Variants in CKAP2L observed in about 807,000 individuals in gnomAD.
CKAP2L encodes the protein cytoskeleton associated protein 2L, also known as cytoskeleton-associated protein 2-like.
In CKAP2L, 42 loss-of-function variants were observed where a neutral mutation model predicts 65.7. The observed-to-expected ratio is 0.64, with a 90% CI of 0.50 to 0.83. The LOEUF is 0.83. Among genes scored for constraint, CKAP2L ranks in the 40% least tolerant of loss-of-function variants. The pLI is 0.00. For synonymous variants in CKAP2L, 325 were observed against 313.5 expected (o/e 1.04, Z -0.39); for missense variants, 908 against 871.0 (o/e 1.04, Z -0.53).
chr2:112,756,405 A>C lies in CKAP2L; in HGVS notation c.966T>G (p.Pro322=). 1 of 1,614,112 alleles carries C rather than the reference A, an allele frequency of 6.2e-7. No homozygotes were observed. Among genetic ancestry groups the C allele is most frequent in the Non-Finnish European group, 8.5e-7 (1 of 1,180,000 alleles). The part of the protein sequence containing the change: ...RPNETKIRSY[P]VTEQRVKHTK... ...TGTGCTTCACTCTCTGTTCAGTAAC[A>C]GGGTATGACCGTATCTTAGTTTCAT... The change falls in exon 4 of 9, where the codon CCT becomes CCG. Residue 322 remains proline (P), a synonymous_variant. Transcript: ENST00000302450.
chr2:112,740,423 A>T (rs1280408484), intron 8 of CKAP2L, among the ~76,000 whole-genome samples: 1 of 152,232 alleles, frequency 6.6e-6, no homozygotes, highest in Non-Finnish European at 1.5e-5. Flanking sequence ...TTGTTAAAAA[A>T]TAAAACGTTT....
chr2:112,756,956 C>CA lies in CKAP2L; in HGVS notation c.414dup (p.Val139CysfsTer5). ...AATTGCTCTATATTAAGTGACCCCA[C>CA]AGGTTTTCTTGACAGTTCTCCTGTT... On this transcript the variant is annotated frameshift_variant, in exon 4 of 9. Coordinates refer to ENST00000302450, the MANE Select transcript of CKAP2L (RefSeq NM_152515.5). LOFTEE classifies it high-confidence loss of function. The CA allele has an allele frequency of 6.2e-7, 1 of 1,614,242 alleles. No individual in the cohort carries two copies. The highest frequency in any genetic ancestry group is 1.3e-5 in the African/African-American group (1 of 75,076).
In CKAP2L at chr2:112,756,363, G is replaced by GT; in HGVS notation, c.1007dup (p.Tyr336Ter). 1.2e-6 allele frequency: 2 copies of GT among 1,613,690 alleles called. No homozygotes were observed. The highest frequency in any genetic ancestry group is 1.7e-6 in the Non-Finnish European group (2 of 1,179,828). The change falls in exon 4 of 9, where the codon TAC becomes TAAC. Residue 336 changes from tyrosine to a stop codon, truncating the protein, a stop_gained and frameshift_variant. Transcript: ENST00000302450. LOFTEE classifies it high-confidence loss of function. Reference protein sequence around the residue: ...QRVKHTKPRTYPSLLQGEYNN... With the variant: ...QRVKHTKPRT ...TATATTCACCCTGAAGCAAACTGGG[G>GT]TATGTTCTGGGTTTGGTGTGCTTCA...
intron 1 of CKAP2L, among the ~76,000 whole-genome samples, chr2:112,763,493 C>T (rs1680795569): frequency 6.6e-6 from 1 of 151,976 alleles, no homozygotes; most frequent in Non-Finnish European, 1.5e-5. Flanking sequence ...ATAATTTCTG[C>T]CTTCAAGAAC....
In CKAP2L at chr2:112,738,266, T is replaced by C. The variant is rs1303840437; in HGVS notation, c.*557A>G. ...CCTGGCATAGAAAAAACAAGAATTC[T>C]CTCTCATTTACAAGGATACTGTGAT... On this transcript the variant is annotated 3_prime_UTR_variant, in exon 9 of 9. Coordinates refer to ENST00000302450, the MANE Select transcript of CKAP2L (RefSeq NM_152515.5). The C allele has an allele frequency of 6.6e-6, 1 of 152,420 alleles. No homozygotes were observed. The allele number at this position is 152,420 out of a possible 1,614,324, so 9.4% of individuals were successfully genotyped here.
At chr2:112,753,791 G>C (rs1430482300) in intron 4 of CKAP2L, among the ~76,000 whole-genome samples, 1 of 152,054 alleles carries the variant, frequency 6.6e-6, no homozygotes, top group East Asian at 1.9e-4. Context: ...GCCTCCCAAG[G>C]TGCTGGGATT....
rs150777466 is a variant in CKAP2L at position 112,751,013 on chromosome 2, C to T, written c.1602+1254G>A. On this transcript the variant is annotated intron_variant, in intron 5 of 8. Coordinates refer to ENST00000302450, the MANE Select transcript of CKAP2L (RefSeq NM_152515.5). ...GAGAAAAAATCCCTTTAAAAAGTCA[C>T]AAAATTACTAAAGTTGACTCAAGAT... Among the ~76,000 whole-genome samples the T allele has an allele frequency of 9.9e-5, 15 of 151,966 alleles. No homozygotes were observed. In the East Asian group the frequency reaches 2.9e-3, roughly 29 times the overall value.
chr2:112,755,698 C>G (rs780409297), intron 4 of CKAP2L, among the ~76,000 whole-genome samples: 2 of 151,948 alleles, frequency 1.3e-5, no homozygotes, highest in Non-Finnish European at 2.9e-5. Context: ...TCTGCACCCC[C>G]TACTTCTTAC....
rs571447059 is a variant in CKAP2L at position 112,738,729 on chromosome 2, T to C, written c.*94A>G. On this transcript the variant is annotated 3_prime_UTR_variant, in exon 9 of 9. Transcript: ENST00000302450. ...CCTGAGCGTCCATAATCTGCATCCA[T>C]GATGCCTCTCTTTTTTTCCAGGTCA... 5.6e-5 allele frequency: 45 copies of C among 799,244 alleles called. No homozygotes were observed. Among genetic ancestry groups the C allele is most frequent in the South Asian group, 4.8e-4 (29 of 60,302 alleles). 49.5% of individuals were successfully genotyped at this position (799,244 alleles called of 1,614,324 possible). A position where few individuals can be genotyped will look rare whatever the true frequency, so the allele number is the denominator to read the frequency against.
intron 3 of CKAP2L, 35 bp from the exon 4 acceptor site, chr2:112,757,249 C>T: frequency 1.5e-6 from 2 of 1,371,990 alleles, no homozygotes; most frequent in Non-Finnish European, 2.0e-6. Context: ...TTAAAAAATC[C>T]TTAACATATC....
chr2:112,757,183 T>C lies in CKAP2L; in HGVS notation c.188A>G (p.His63Arg), dbSNP rs765099021. 17 of 1,610,658 alleles carry C rather than the reference T, an allele frequency of 1.1e-5. No homozygotes were observed. In the Admixed American group the frequency reaches 2.5e-4, roughly 24 times the overall value. The change falls in exon 4 of 9, where the codon CAT becomes CGT. Residue 63 changes from histidine (H) to arginine (R), a missense_variant. By Grantham distance (29) the His-to-Arg change is conservative (BLOSUM62 0). Transcript: ENST00000302450. ...TIRPKNDVTNHVVLPVKPKRS... is the reference protein window; with the variant it reads ...TIRPKNDVTNRVVLPVKPKRS... ...TTTAGGTTTGACAGGCAAAACAACA[T>C]GGTTGGTAACATCATTTTTGGGTCT...
rs1429864527 is a variant in CKAP2L at position 112,746,414 on chromosome 2, A to G, written c.1758+6T>C. On this transcript the variant is annotated splice_donor_region_variant and intron_variant, in intron 6 of 8. Transcript: ENST00000302450. ...AAGAAGTTACCCACCCAAGACAGAT[A>G]CTCACTGTTGCCCCATTTTTAATGG... 10 of 1,605,194 alleles carry G rather than the reference A, an allele frequency of 6.2e-6. No homozygotes were observed. The highest frequency in any genetic ancestry group is 8.5e-6 in the Non-Finnish European group (10 of 1,173,882).
intron 4 of CKAP2L, among the ~76,000 whole-genome samples, chr2:112,754,004 C>T (rs955058880): frequency 3.3e-5 from 5 of 152,210 alleles, no homozygotes; most frequent in African/African-American, 1.2e-4. Flanking sequence ...AGGCAGAAAC[C>T]TTGGCAGTCC....
chr2:112,757,345 T>C, intron 3 of CKAP2L, 131 bp from the exon 4 acceptor site: 1 of 508,030 alleles, frequency 2.0e-6, no homozygotes, highest in Non-Finnish European at 3.3e-6. Flanking sequence ...AGTTGAATCC[T>C]CAGAAAGTAA....
chr2:112,740,987 C>G lies in CKAP2L; in HGVS notation c.1843G>C (p.Val615Leu). The G allele has an allele frequency of 6.2e-7, 1 of 1,612,810 alleles. No individual in the cohort carries two copies. Among genetic ancestry groups the G allele is most frequent in the South Asian group, 1.1e-5 (1 of 91,018 alleles). The change falls in exon 8 of 9, where the codon GTT becomes CTT. Residue 615 changes from valine to leucine, a missense_variant. Coordinates refer to ENST00000302450, the MANE Select transcript of CKAP2L (RefSeq NM_152515.5). ...ACTGATGTTATACTAGTTTCAGCAA[C>G]TAAAGAGTCAGAAGTAATCCCTGTG... ...TTEGITSDSL[V>L]AETSITSVEE...
At chr2:112,741,453 G>A (rs531227825) in intron 7 of CKAP2L, among the ~76,000 whole-genome samples, 2 of 152,214 alleles carry the variant, frequency 1.3e-5, no homozygotes, top group East Asian at 1.9e-4. Context: ...TGGACAGTGG[G>A]CAAAAACTGT....
intron 5 of CKAP2L, 62 bp from the exon 6 acceptor site, chr2:112,746,637 C>T (rs2104868547): frequency 2.4e-6 from 3 of 1,266,940 alleles, no homozygotes; most frequent in Non-Finnish European, 3.3e-6. Flanking sequence ...CTCACATCTC[C>T]TAATATTTAT....
intron 3 of CKAP2L, among the ~76,000 whole-genome samples, chr2:112,760,187 T>C (rs1680676971): frequency 2.0e-5 from 3 of 152,186 alleles, no homozygotes; most frequent in Admixed American, 2.0e-4. Flanking sequence ...TAAATTAAAT[T>C]GATTAGGAAG....
intron 3 of CKAP2L, among the ~76,000 whole-genome samples, 180 bp from the exon 4 acceptor site, chr2:112,757,394 T>G (rs1218148564): frequency 2.0e-5 from 3 of 146,894 alleles, no homozygotes; most frequent in Non-Finnish European, 4.5e-5. Context: ...TGTTTTTTTT[T>G]TTTTTTTTTT....
Sources: allele counts gnomAD v4.1 joint callset (sites outside exome capture counted in the v4.1 genomes callset), GRCh38; gene constraint gnomAD v4.1.1; transcripts MANE v1.5; gene names NCBI Gene and HGNC (gene_info 2026-07-23, HGNC 2026-07-21).